The following ATXN7L1 variants were observed in gnomAD, a reference collection of about 807,000 sequenced individuals.
The protein encoded by ATXN7L1 is ataxin-7-like protein 1.
ATXN7L1 carries 15 observed loss-of-function variants against 70.8 expected under a neutral mutation model. The observed-to-expected ratio is 0.21, with a 90% CI of 0.14 to 0.33. The LOEUF is 0.33. Ranked by LOEUF, ATXN7L1 falls within the 10% of genes least tolerant of loss-of-function variation. The pLI is 1.00. For missense variants in ATXN7L1, 975 were observed against 1,097.1 expected (o/e 0.89, Z 1.57); for synonymous variants, 440 against 445.1 (o/e 0.99, Z 0.14).
At chr7:105,666,720 C>G (rs1382397049) in intron 3 of ATXN7L1, among the ~76,000 whole-genome samples, 1 of 152,194 alleles carries the variant, frequency 6.6e-6, no homozygotes, top group African/African-American at 2.4e-5. Flanking sequence ...AATAAGTTTA[C>G]AGGGTGCTTT....
At chr7:105,761,618 T>C (rs1448612294) in intron 3 of ATXN7L1, among the ~76,000 whole-genome samples, 1 of 152,240 alleles carries the variant, frequency 6.6e-6, no homozygotes, top group African/African-American at 2.4e-5. Context: ...TCTTGTTCTA[T>C]CAAAATGTAT....
intron 3 of ATXN7L1, among the ~76,000 whole-genome samples, chr7:105,691,918 T>C (rs1397300258): frequency 2.6e-5 from 4 of 152,186 alleles, no homozygotes; most frequent in African/African-American, 7.2e-5. Context: ...CAGAAGTTCA[T>C]AGAACTGACC....
In ATXN7L1 at chr7:105,614,999, T is replaced by C. The variant is rs1220369090; in HGVS notation, c.1518-183A>G. ...GGCCCCTCCTTATGGCACCCCCCAT[T>C]GCAACATCCAGCAACCTAATTTTCA... On this transcript the variant is annotated intron_variant, in intron 9 of 11. Coordinates refer to ENST00000419735, the MANE Select transcript of ATXN7L1 (RefSeq NM_020725.2). This position sits in a 1 kb window ranked among gnomAD's most constrained non-coding sequence, Gnocchi z 4.3. Among the ~76,000 whole-genome samples the C allele has an allele frequency of 6.6e-6, 1 of 152,040 alleles. No homozygotes were observed. Among genetic ancestry groups the C allele is most frequent in the Non-Finnish European group, 1.5e-5 (1 of 67,998 alleles).
intron 7 of ATXN7L1, among the ~76,000 whole-genome samples, chr7:105,628,779 C>A (rs919541122): frequency 1.3e-5 from 2 of 148,754 alleles, no homozygotes; most frequent in Non-Finnish European, 3.0e-5. Context: ...GGCCACAGAG[C>A]GAGACTCCAT....
intron 2 of ATXN7L1, among the ~76,000 whole-genome samples, chr7:105,800,006 C>A (rs1438916607): frequency 1.3e-5 from 2 of 152,162 alleles, no homozygotes; most frequent in Non-Finnish European, 2.9e-5. Flanking sequence ...CACATCTGGG[C>A]CCCTCAAGCC....
chr7:105,820,483 G>A (rs1376611126), intron 2 of ATXN7L1, among the ~76,000 whole-genome samples: 1 of 152,214 alleles, frequency 6.6e-6, no homozygotes, highest in African/African-American at 2.4e-5. Flanking sequence ...TGAGGCTGCA[G>A]CTTGGCTAGA....
At position 105,665,300 on chromosome 7, in the gene ATXN7L1, G is replaced by A; in HGVS notation, c.356-12C>T. On this transcript the variant is annotated splice_polypyrimidine_tract_variant and intron_variant, in intron 3 of 11. Transcript: ENST00000419735. Reference sequence around the variant, plus strand: ...ACCGTGTCTTCTCTCTACAGGGGCAGAAAGTAGAGAACTCAGCACAGCATC... The same window carrying A: ...ACCGTGTCTTCTCTCTACAGGGGCAAAAAGTAGAGAACTCAGCACAGCATC... 1 of 1,540,574 alleles carries A rather than the reference G, an allele frequency of 6.5e-7. No homozygotes were observed. The highest frequency in any genetic ancestry group is 1.8e-4 in the Middle Eastern group (1 of 5,498).
intron 4 of ATXN7L1, chr7:105,649,527 C>A: frequency 2.0e-6 from 2 of 987,866 alleles, no homozygotes; most frequent in Non-Finnish European, 2.4e-6. Context: ...GTTCTCTTGG[C>A]ATCAAGTAGA....
In ATXN7L1 at chr7:105,871,832, T is replaced by C. The variant is rs144469831; in HGVS notation, c.250+3980A>G. On this transcript the variant is annotated intron_variant, in intron 2 of 11. Coordinates refer to ENST00000419735, the MANE Select transcript of ATXN7L1 (RefSeq NM_020725.2). ...TTCAAAGCATCCAGTTAACATTTCA[T>C]ACTTTATAGGTGGAGAACTGAAAGA... Among the ~76,000 whole-genome samples the C allele has an allele frequency of 5.4e-3, 820 of 152,248 alleles. 4 individuals carry two copies. Among genetic ancestry groups the C allele is most frequent in the African/African-American group, 0.019 (770 of 41,534 alleles).
chr7:105,868,661 C>T (rs538215070), intron 2 of ATXN7L1, among the ~76,000 whole-genome samples: 2 of 151,624 alleles, frequency 1.3e-5, no homozygotes, highest in South Asian at 2.1e-4. Context: ...TGGAAGAATA[C>T]ACAAGCAACT....
chr7:105,779,353 G>T (rs1803210033), intron 3 of ATXN7L1, among the ~76,000 whole-genome samples: 1 of 152,198 alleles, frequency 6.6e-6, no homozygotes, highest in South Asian at 2.1e-4. Context: ...TTTTTATCCT[G>T]CATTAGGGGA....
intron 4 of ATXN7L1, among the ~76,000 whole-genome samples, chr7:105,659,406 C>T (rs182810140): frequency 6.6e-6 from 1 of 152,274 alleles, no homozygotes; most frequent in East Asian, 1.9e-4. Context: ...GGAGGCCCTG[C>T]AGTAACTACT....
intron 7 of ATXN7L1, among the ~76,000 whole-genome samples, chr7:105,632,921 TAAAAAAAA>T (rs11417434): frequency 1.7e-5 from 1 of 60,042 alleles, no homozygotes; most frequent in African/African-American, 7.2e-5. Flanking sequence ...ATCTTGTCTT[TAAAAAAAA>T]AAAAAAAAAA....
chr7:105,835,834 G>C (rs560703938), intron 2 of ATXN7L1, among the ~76,000 whole-genome samples: 1 of 152,010 alleles, frequency 6.6e-6, no homozygotes, highest in Non-Finnish European at 1.5e-5. Flanking sequence ...GACAGAGGCA[G>C]AAATTTTTCT....
At chr7:105,704,140 G>A (rs1794732812) in intron 3 of ATXN7L1, among the ~76,000 whole-genome samples, 1 of 152,138 alleles carries the variant, frequency 6.6e-6, no homozygotes, top group Non-Finnish European at 1.5e-5. Context: ...CAACAAACAT[G>A]CCACTTGGTG....
chr7:105,686,796 A>G (rs781309802), intron 3 of ATXN7L1, among the ~76,000 whole-genome samples: 5 of 152,226 alleles, frequency 3.3e-5, no homozygotes, highest in Admixed American at 1.3e-4. Context: ...CCAAAAAATC[A>G]TAAGTCGAAC....
At chr7:105,662,036 T>G in intron 4 of ATXN7L1, among the ~76,000 whole-genome samples, 1 of 93,248 alleles carries the variant, frequency 1.1e-5, no homozygotes, top group Non-Finnish European at 2.0e-5. Flanking sequence ...CTTTCCTTCC[T>G]TCCTTCCTTC....
intron 11 of ATXN7L1, 64 bp from the exon 12 acceptor site, chr7:105,607,954 C>A: frequency 7.1e-7 from 1 of 1,417,750 alleles, no homozygotes; most frequent in South Asian, 1.2e-5. Context: ...CATGAGAATT[C>A]AAGGATGGAG....
chr7:105,746,715 A>T (rs1798629434), intron 3 of ATXN7L1, among the ~76,000 whole-genome samples: 1 of 152,212 alleles, frequency 6.6e-6, no homozygotes, highest in Non-Finnish European at 1.5e-5. Flanking sequence ...TTGGCACATA[A>T]TAGGATCTCC....
Sources: allele counts gnomAD v4.1 joint callset (sites outside exome capture counted in the v4.1 genomes callset), GRCh38; gene constraint gnomAD v4.1.1; non-coding constraint Gnocchi (gnomAD v3.1); transcripts MANE v1.5; gene names NCBI Gene and HGNC (gene_info 2026-07-23, HGNC 2026-07-21).